TMEM114: variants seen among roughly 807,000 people sequenced by gnomAD.
TMEM114 encodes claudin-26.
Under a neutral mutation model 6.2 loss-of-function variants are expected in TMEM114, and 6 were observed. The ratio of observed to expected loss-of-function variants is 0.97; its 90% CI spans 0.53 to 1.91. The LOEUF (loss-of-function observed/expected upper bound fraction) is 1.91. TMEM114 is among the 40% of genes most tolerant of loss of function. The pLI is 0.01. For synonymous variants in TMEM114, 104 were observed against 73.0 expected (o/e 1.42, Z -2.16); for missense variants, 218 against 158.3 (o/e 1.38, Z -2.02).
At chr16:8,563,612 A>C (rs983508880) in intron 2 of TMEM114, among the ~76,000 whole-genome samples, 2 of 150,454 alleles carry the variant, frequency 1.3e-5, no homozygotes, top group Admixed American at 1.3e-4. Context: ...TGAGTAAATG[A>C]GTGACTGAAT....
downstream of TMEM114, among the ~76,000 whole-genome samples, chr16:8,533,593 G>C (rs1900276731): frequency 1.3e-5 from 2 of 152,216 alleles, no homozygotes; most frequent in Admixed American, 1.3e-4. Flanking sequence ...AAACAACCAA[G>C]TGGATGCTTT....
chr16:8,530,425 C>T, the TMEM114 span, among the ~76,000 whole-genome samples: 2 of 152,148 alleles, frequency 1.3e-5, no homozygotes, highest in African/African-American at 4.8e-5. Flanking sequence ...TCTTAAAACT[C>T]TTTCAGCTCC....
At chr16:8,538,200 G>C (rs1476203982) in intron 2 of TMEM114, among the ~76,000 whole-genome samples, 2 of 150,370 alleles carry the variant, frequency 1.3e-5, no homozygotes, top group Admixed American at 1.3e-4. Context: ...AGCTACTCAG[G>C]AGGCTGAAGT....
intron 2 of TMEM114, among the ~76,000 whole-genome samples, chr16:8,546,690 G>A (rs183439316): frequency 2.6e-5 from 4 of 152,298 alleles, no homozygotes; most frequent in Admixed American, 2.6e-4. Context: ...AAGCTAACCA[G>A]ATACCCCTAC....
rs1245585546 is a variant in TMEM114 at position 8,544,645 on chromosome 16, G to C, written n.213-6819C>G. Among the ~76,000 whole-genome samples the C allele has an allele frequency of 8.5e-5, 13 of 152,320 alleles. No homozygotes were observed. The East Asian group carries it at 2.3e-3, about 27-fold the overall frequency. On this transcript the variant is annotated intron_variant and non_coding_transcript_variant, in intron 2 of 2. Coordinates refer to the TMEM114 transcript ENST00000623677. ...TTAGACTTTACCCTACAGGCCACTG[G>C]TCTATAACTGTTTTACATAGGGGTA...
At chr16:8,566,506 G>C (rs1175755762), downstream of TMEM114, among the ~76,000 whole-genome samples, 2 of 152,104 alleles carry the variant, frequency 1.3e-5, no homozygotes, top group Non-Finnish European at 2.9e-5. Flanking sequence ...GAATGGATCA[G>C]AACACAACAG....
intron 2 of TMEM114, among the ~76,000 whole-genome samples, chr16:8,583,467 G>A (rs1259355337): frequency 1.3e-5 from 2 of 152,204 alleles, no homozygotes; most frequent in African/African-American, 4.8e-5. Flanking sequence ...ACAGCTGGCC[G>A]AGCACAGTGG....
In TMEM114 at chr16:8,572,207, C is replaced by T. The variant is rs1316203843; in HGVS notation, c.319G>A (p.Val107Met). Residue 107 changes from valine to methionine, a missense_variant, in exon 3 of 4, where the codon GTG (valine) becomes ATG (methionine). Coordinates refer to ENST00000620492, the MANE Select transcript of TMEM114 (RefSeq NM_001146336.2). ...RQLLTMHGTF[V>M]ILLPLSLILM... ...ATCAGGCTGAGCGGCAGCAGAATCA[C>T]AAATGTCCCATGCATGGCTTAGAAG... is the stretch of plus-strand genomic sequence containing the variant. 3.9e-6 allele frequency: 6 copies of T among 1,551,576 alleles called. No individual in the cohort carries two copies. The highest frequency in any genetic ancestry group is 2.0e-5 in the Admixed American group (1 of 50,976).
chr16:8,555,511 T>G (rs1297475356), intron 2 of TMEM114, among the ~76,000 whole-genome samples: 1 of 152,160 alleles, frequency 6.6e-6, no homozygotes, highest in Admixed American at 6.5e-5. Flanking sequence ...CAAGGGGCAG[T>G]AATTTCTGGG....
the TMEM114 span, among the ~76,000 whole-genome samples, chr16:8,530,827 C>T: frequency 5.3e-5 from 8 of 152,124 alleles, no homozygotes; most frequent in African/African-American, 1.4e-4. Context: ...AGTTTGAGAC[C>T]AGCCTGGCCA....
chr16:8,564,489 A>ATGAGTGAATCAGTGAG, intron 2 of TMEM114, among the ~76,000 whole-genome samples: 1 of 97,042 alleles, frequency 1.0e-5, no homozygotes. Flanking sequence ...GAGGGAATGA[A>ATGAGTGAATCAGTGAG]TGAGTGAATG....
chr16:8,580,056 A>T (rs1156809072), intron 2 of TMEM114, among the ~76,000 whole-genome samples: 1 of 152,176 alleles, frequency 6.6e-6, no homozygotes, highest in Admixed American at 6.5e-5. Context: ...CAAAGTAGCA[A>T]TACCTCAGCT....
chr16:8,530,405 C>G, the TMEM114 span, among the ~76,000 whole-genome samples: 1 of 152,076 alleles, frequency 6.6e-6, no homozygotes, highest in Non-Finnish European at 1.5e-5. Context: ...TAGGACTAGT[C>G]TAGATTAGTT....
At chr16:8,545,867 C>T (rs1425323205) in intron 2 of TMEM114, among the ~76,000 whole-genome samples, 1 of 152,148 alleles carries the variant, frequency 6.6e-6, no homozygotes, top group Non-Finnish European at 1.5e-5. Context: ...GTAATCCCAG[C>T]ACTTTGGGAG....
chr16:8,542,152 TC>T (rs1215778459), intron 2 of TMEM114, among the ~76,000 whole-genome samples: 1 of 141,114 alleles, frequency 7.1e-6, no homozygotes, highest in African/African-American at 2.7e-5. Context: ...TGGGGGGGGG[TC>T]CCTTGACCAA....
At chr16:8,554,824 T>G (rs1743581703) in intron 2 of TMEM114, among the ~76,000 whole-genome samples, 1 of 152,204 alleles carries the variant, frequency 6.6e-6, no homozygotes, top group Admixed American at 6.5e-5. Context: ...GGGTAGGCAC[T>G]GATGTTAGTG....
chr16:8,545,063 C>G (rs1454510950), intron 2 of TMEM114, among the ~76,000 whole-genome samples: 2 of 152,064 alleles, frequency 1.3e-5, no homozygotes, highest in Non-Finnish European at 2.9e-5. Context: ...ATGGTCTTGT[C>G]TTTTGTTTCA....
the TMEM114 span, among the ~76,000 whole-genome samples, chr16:8,529,153 C>T: frequency 6.6e-6 from 1 of 152,234 alleles, no homozygotes; most frequent in East Asian, 1.9e-4. Flanking sequence ...GCAAGGATGA[C>T]CAAAAATCCT....
intron 2 of TMEM114, among the ~76,000 whole-genome samples, chr16:8,587,238 A>G (rs1490405678): frequency 6.6e-6 from 1 of 152,210 alleles, no homozygotes; most frequent in Non-Finnish European, 1.5e-5. Context: ...CAATAAATAC[A>G]TATATTGAGC....
Sources: allele counts gnomAD v4.1 joint callset (sites outside exome capture counted in the v4.1 genomes callset), GRCh38; gene constraint gnomAD v4.1.1; transcripts MANE v1.5; gene names NCBI Gene and HGNC (gene_info 2026-07-23, HGNC 2026-07-21).